The following KCNB2 variants were observed in gnomAD, a reference collection of about 807,000 sequenced individuals.
KCNB2 encodes potassium voltage-gated channel subfamily B member 2, also known as delayed rectifier potassium channel protein.
In KCNB2, 15 loss-of-function variants were observed where a neutral mutation model predicts 61.5. The ratio of observed to expected loss-of-function variants is 0.24; its 90% CI spans 0.16 to 0.38. KCNB2 has a LOEUF of 0.38. KCNB2 is among the 10% of genes least tolerant of loss of function. The pLI, the probability that KCNB2 is intolerant of heterozygous loss-of-function variation, is 1.00. For synonymous variants in KCNB2, 457 were observed against 446.0 expected (o/e 1.02, Z -0.31); for missense variants, 828 against 1,125.2 (o/e 0.74, Z 3.78).
At chr8:72,557,789 T>C (rs901359408) in intron 1 of KCNB2, among the ~76,000 whole-genome samples, 1 of 152,168 alleles carries the variant, frequency 6.6e-6, no homozygotes, top group African/African-American at 2.4e-5. Context: ...TGGTAGTTTT[T>C]TGAGGTAGCA....
chr8:72,633,198 C>T (rs1805908733), intron 2 of KCNB2, among the ~76,000 whole-genome samples: 1 of 151,968 alleles, frequency 6.6e-6, no homozygotes, highest in Non-Finnish European at 1.5e-5. Context: ...GGCGGTGGTC[C>T]CTGCTTCCTG....
intron 1 of KCNB2, among the ~76,000 whole-genome samples, chr8:72,563,765 T>C (rs1806581865): frequency 1.3e-5 from 2 of 152,168 alleles, no homozygotes; most frequent in Admixed American, 1.3e-4. Context: ...GCATTTATTA[T>C]GGGCTTATTC....
intron 2 of KCNB2, among the ~76,000 whole-genome samples, chr8:72,574,433 T>A (rs894250816): frequency 2.0e-5 from 3 of 152,230 alleles, no homozygotes; most frequent in Non-Finnish European, 4.4e-5. Flanking sequence ...ATAGCATCTC[T>A]TTTTACTCTT....
chr8:72,556,010 A>G (rs918582666), intron 1 of KCNB2, among the ~76,000 whole-genome samples: 1 of 152,130 alleles, frequency 6.6e-6, no homozygotes, highest in African/African-American at 2.4e-5. Flanking sequence ...TGTCTGTTAT[A>G]TACTGTTGCA....
intron 1 of KCNB2, among the ~76,000 whole-genome samples, chr8:72,561,795 A>T (rs1211655206): frequency 8.1e-6 from 1 of 123,340 alleles, no homozygotes; most frequent in African/African-American, 3.1e-5. Flanking sequence ...ATATACATAT[A>T]TATATATATG....
chr8:72,639,729 G>C (rs1163954057), intron 2 of KCNB2, among the ~76,000 whole-genome samples: 2 of 152,062 alleles, frequency 1.3e-5, no homozygotes, highest in Non-Finnish European at 2.9e-5. Flanking sequence ...TTTGAAAAAT[G>C]TAGGTGCCAG....
At chr8:72,807,145 G>A (rs888936161) in intron 2 of KCNB2, among the ~76,000 whole-genome samples, 3 of 152,170 alleles carry the variant, frequency 2.0e-5, no homozygotes, top group Non-Finnish European at 4.4e-5. Context: ...CCAGGCCTAA[G>A]TATGCACACA....
chr8:72,722,421 G>A (rs1052760551), intron 2 of KCNB2, among the ~76,000 whole-genome samples: 2 of 152,206 alleles, frequency 1.3e-5, no homozygotes, highest in Admixed American at 1.3e-4. Context: ...AACCAGCCAT[G>A]GGGCCTTCCC....
chr8:72,911,453 G>T (rs539262342), intron 2 of KCNB2, among the ~76,000 whole-genome samples: 1 of 152,200 alleles, frequency 6.6e-6, no homozygotes, highest in Non-Finnish European at 1.5e-5. Flanking sequence ...ACCATTCAAA[G>T]CCTTTCACCT....
intron 2 of KCNB2, among the ~76,000 whole-genome samples, chr8:72,743,743 T>C (rs1808008760): frequency 6.6e-6 from 1 of 152,222 alleles, no homozygotes; most frequent in Non-Finnish European, 1.5e-5. Context: ...ATATTGTATA[T>C]ATACTATCAC....
rs961769651 is a variant in KCNB2, at chr8:72,806,123, G to A, written c.580-129812G>A. 9.9e-5 allele frequency among the ~76,000 whole-genome samples: 15 copies of A among 152,214 alleles called. No individual in the cohort carries two copies. In the East Asian group the frequency reaches 2.9e-3, roughly 29 times the overall value. ...GCCTGTAATCCTAGCACTTTGGGAG[G>A]CCAAGGTGGGTGGATCACGAGGTCA... is the stretch of plus-strand genomic sequence containing the variant. On this transcript the variant is annotated intron_variant, in intron 2 of 2. Transcript: ENST00000523207.
At position 72,620,004 on chromosome 8, in the gene KCNB2, A is replaced by C. The variant is rs956972988; in HGVS notation, c.579+51691A>C. The stretch of plus-strand genomic sequence containing the variant: ...AAATTTGTTTTAAAGACTTACAACA[A>C]AAAAGGAAATAGTTCATTTATAAAT... On this transcript the variant is annotated intron_variant, in intron 2 of 2. Transcript: ENST00000523207. Among the ~76,000 whole-genome samples the C allele has an allele frequency of 7.9e-5, 12 of 152,266 alleles. 1 individual carries two copies. Among genetic ancestry groups the C allele is most frequent in the Non-Finnish European group, 1.3e-4 (9 of 68,054 alleles).
At chr8:72,774,955 G>A (rs1279475684) in intron 2 of KCNB2, among the ~76,000 whole-genome samples, 1 of 152,144 alleles carries the variant, frequency 6.6e-6, no homozygotes, top group Non-Finnish European at 1.5e-5. Context: ...AAGGAGAGCA[G>A]CCCATTAACA....
chr8:72,915,252 TGCAGGGAGAATGAAACA>T (rs1806371809), intron 2 of KCNB2, among the ~76,000 whole-genome samples: 2 of 152,126 alleles, frequency 1.3e-5, no homozygotes, highest in African/African-American at 4.8e-5. Flanking sequence ...AGGAAGAAGC[TGCAGGGAGAATGAAACA>T]GATAAGGACA....
chr8:72,679,359 A>G (rs1480135875), intron 2 of KCNB2, among the ~76,000 whole-genome samples: 2 of 152,250 alleles, frequency 1.3e-5, no homozygotes, highest in South Asian at 2.1e-4. Context: ...TTAACGGGAC[A>G]TGCTCTTCAT....
chr8:72,539,402 T>A (rs933376671), intron 1 of KCNB2, among the ~76,000 whole-genome samples: 1 of 152,190 alleles, frequency 6.6e-6, no homozygotes, highest in Admixed American at 6.5e-5. Context: ...TTCCACAAAG[T>A]AAATACCATA....
chr8:72,795,838 T>C (rs987856813), intron 2 of KCNB2, among the ~76,000 whole-genome samples: 9 of 152,202 alleles, frequency 5.9e-5, no homozygotes, highest in Non-Finnish European at 1.2e-4. Context: ...TTATTCTTCA[T>C]ACAGCACGCA....
At chr8:72,822,843 C>A (rs1021735092) in intron 2 of KCNB2, among the ~76,000 whole-genome samples, 178 of 152,266 alleles carry the variant, frequency 1.2e-3, no homozygotes, top group African/African-American at 4.0e-3. Context: ...CTTTCTTTCA[C>A]ATCTCAGCTT....
intron 2 of KCNB2, among the ~76,000 whole-genome samples, chr8:72,929,282 C>T (rs576052381): frequency 5.9e-5 from 9 of 152,140 alleles, no homozygotes; most frequent in Non-Finnish European, 1.2e-4. Context: ...GGCAAGTCTC[C>T]GGCTGCTTTA....
Sources: gnomAD v4.1 joint callset for allele counts (sites outside exome capture counted in the v4.1 genomes callset) on GRCh38, gnomAD v4.1.1 for gene constraint, MANE v1.5 for transcripts, NCBI Gene and HGNC (gene_info 2026-07-23, HGNC 2026-07-21) for gene names.